SATB2: variants seen among roughly 807,000 people sequenced by gnomAD.
SATB2 encodes the protein SATB homeobox 2.
In SATB2, 1 loss-of-function variant was observed where a neutral mutation model predicts 73.4. That is an observed-to-expected ratio of 0.01 (90% CI 0.00 to 0.06). The LOEUF is 0.06. SATB2 is among the 10% of genes least tolerant of loss of function. The pLI is 1.00. For synonymous variants in SATB2, 397 were observed against 367.0 expected (o/e 1.08, Z -0.93); for missense variants, 459 against 945.8 (o/e 0.49, Z 6.75).
Position 199,318,547 on chromosome 2 carries a change from C to CA in SATB2, c.1542+5255dup, listed in dbSNP as rs560664277. 1.6e-4 allele frequency among the ~76,000 whole-genome samples: 25 copies of CA among 152,084 alleles called. No individual in the cohort carries two copies. In the South Asian group the frequency reaches 5.0e-3, roughly 30 times the overall value. ...ATAAACATACACATATACTCCCATG[C>CA]AAACATATACACATTGAAAGAAAAG... On this transcript the variant is annotated intron_variant, in intron 9 of 10. Transcript: ENST00000417098.
At chr2:199,429,782 C>T (rs1457359218) in intron 3 of SATB2, among the ~76,000 whole-genome samples, 2 of 152,208 alleles carry the variant, frequency 1.3e-5, no homozygotes, top group African/African-American at 2.4e-5. Flanking sequence ...TGGTGGCAGG[C>T]GCCTGTAATC....
intron 9 of SATB2, among the ~76,000 whole-genome samples, chr2:199,312,104 T>C (rs1018477650): frequency 2.0e-5 from 3 of 152,124 alleles, no homozygotes; most frequent in South Asian, 2.1e-4. Flanking sequence ...CTCTATTGAA[T>C]AGCACTGTTT....
At chr2:199,338,927 A>G (rs1035100405) in intron 7 of SATB2, among the ~76,000 whole-genome samples, 1 of 151,422 alleles carries the variant, frequency 6.6e-6, no homozygotes, top group African/African-American at 2.4e-5. Flanking sequence ...TAAAAAAAAA[A>G]AAAAAAAAAG....
At chr2:199,388,496 A>G (rs1690025870) in intron 3 of SATB2, among the ~76,000 whole-genome samples, 1 of 152,190 alleles carries the variant, frequency 6.6e-6, no homozygotes, top group South Asian at 2.1e-4. Flanking sequence ...TGCTGATAAA[A>G]TAGATATATA....
In SATB2 at chr2:199,455,540, C is replaced by T. The variant is rs576228204; in HGVS notation, c.169+329G>A. 2.6e-5 allele frequency among the ~76,000 whole-genome samples: 4 copies of T among 152,294 alleles called. No homozygotes were observed. The South Asian group carries it at 8.3e-4, about 32-fold the overall frequency. On this transcript the variant is annotated intron_variant, in intron 2 of 10. Transcript: ENST00000417098. This position sits in a 1 kb window ranked among gnomAD's most constrained non-coding sequence, Gnocchi z 4.1. ...AACTTCATCCCTACAACAGACACTC[C>T]GAGGCAAGGCAAAAGAGTTAAATCA...
intron 3 of SATB2, among the ~76,000 whole-genome samples, chr2:199,411,393 A>G (rs564576190): frequency 9.9e-5 from 15 of 152,278 alleles, no homozygotes; most frequent in Admixed American, 2.0e-4. Flanking sequence ...AAAGAGGGAG[A>G]GAGTATTACC....
intron 3 of SATB2, among the ~76,000 whole-genome samples, chr2:199,384,409 A>G (rs189993700): frequency 6.6e-6 from 1 of 152,334 alleles, no homozygotes; most frequent in East Asian, 1.9e-4. Flanking sequence ...ATCTGCTAGG[A>G]GAGCTATGGC....
chr2:199,278,535 A>G (rs1317740421), intron 10 of SATB2, among the ~76,000 whole-genome samples: 1 of 152,224 alleles, frequency 6.6e-6, no homozygotes, highest in Admixed American at 6.5e-5. Context: ...ACACGGCCAG[A>G]GCATGGAGTG....
At chr2:199,401,769 C>T (rs1425061391) in intron 3 of SATB2, among the ~76,000 whole-genome samples, 2 of 152,042 alleles carry the variant, frequency 1.3e-5, no homozygotes, top group Non-Finnish European at 2.9e-5. Flanking sequence ...TGGCAGTAAG[C>T]TTGGAGAGTA....
At chr2:199,370,975 A>G (rs946162258) in intron 5 of SATB2, among the ~76,000 whole-genome samples, 2 of 151,768 alleles carry the variant, frequency 1.3e-5, no homozygotes, top group African/African-American at 4.8e-5. Flanking sequence ...AAAGTAGCAA[A>G]CAAATTTCCT....
chr2:199,462,694 G>A (rs1692503735), upstream of SATB2, among the ~76,000 whole-genome samples: 1 of 152,170 alleles, frequency 6.6e-6, no homozygotes. This position sits in a 1 kb window ranked among gnomAD's most constrained non-coding sequence, Gnocchi z 5.9. Flanking sequence ...GGAAGCCGTC[G>A]GCCGCCGGAG....
chr2:199,387,031 A>G (rs990450569), intron 3 of SATB2, among the ~76,000 whole-genome samples: 1 of 152,226 alleles, frequency 6.6e-6, no homozygotes, highest in African/African-American at 2.4e-5. Flanking sequence ...ACTTATTCAC[A>G]ATATCCCTTT....
intron 10 of SATB2, among the ~76,000 whole-genome samples, chr2:199,284,656 T>C (rs1266215125): frequency 6.6e-6 from 1 of 152,116 alleles, no homozygotes; most frequent in Non-Finnish European, 1.5e-5. Flanking sequence ...CATTCTATTA[T>C]TTTTCTGTTT....
intron 9 of SATB2, among the ~76,000 whole-genome samples, chr2:199,322,200 A>G (rs1168976635): frequency 6.6e-6 from 1 of 152,220 alleles, no homozygotes; most frequent in Non-Finnish European, 1.5e-5. Flanking sequence ...CTTATAAAAG[A>G]AGGACTGTGT....
chr2:199,355,509 T>C (rs1335477537), intron 6 of SATB2, among the ~76,000 whole-genome samples: 3 of 151,826 alleles, frequency 2.0e-5, no homozygotes, highest in African/African-American at 7.3e-5. Context: ...TTTCTGAAGG[T>C]TTTTGAGCAA....
At chr2:199,458,229 C>A (rs981417811), upstream of SATB2, 1 of 101,918 alleles carries the variant, frequency 9.8e-6, no homozygotes, top group Admixed American at 2.7e-4. Context: ...GGGGAGGTTG[C>A]GGGGGGAGGG....
Position 199,455,780 on chromosome 2 carries a change from C to G in SATB2, c.169+89G>C, listed in dbSNP as rs200589847. Reference sequence around the variant, plus strand: ...GAATTCACTTCCTGTAATCCTACACCGCGACAGCGCCTAATCAACCTGAAC... The same window carrying G: ...GAATTCACTTCCTGTAATCCTACACGGCGACAGCGCCTAATCAACCTGAAC... On this transcript the variant is annotated intron_variant, in intron 2 of 10. Coordinates refer to ENST00000417098, the MANE Select transcript of SATB2 (RefSeq NM_001172509.2). This position sits in a 1 kb window ranked among gnomAD's most constrained non-coding sequence, Gnocchi z 4.1. 1.4e-6 allele frequency: 2 copies of G among 1,429,822 alleles called. No individual in the cohort carries two copies. Among genetic ancestry groups the G allele is most frequent in the East Asian group, 2.5e-5 (1 of 40,236 alleles). The allele number at this position is 1,429,822 out of a possible 1,614,324, so 88.6% of individuals were successfully genotyped here. A position where few individuals can be genotyped will look rare whatever the true frequency, so the allele number is the denominator to read the frequency against.
intron 6 of SATB2, among the ~76,000 whole-genome samples, chr2:199,359,084 A>G (rs943029385): frequency 1.3e-5 from 2 of 152,176 alleles, no homozygotes; most frequent in African/African-American, 4.8e-5. Flanking sequence ...ATATTGTTGA[A>G]ACTTAACATT....
At chr2:199,285,585 A>T (rs548031106) in intron 10 of SATB2, among the ~76,000 whole-genome samples, 11 of 148,716 alleles carry the variant, frequency 7.4e-5, no homozygotes, top group Admixed American at 4.7e-4. Flanking sequence ...ATCTGTTATT[A>T]AAAAAAAAAG....
Sources: gnomAD v4.1 joint callset for allele counts (sites outside exome capture counted in the v4.1 genomes callset) on GRCh38, gnomAD v4.1.1 for gene constraint, Gnocchi (gnomAD v3.1) non-coding constraint, MANE v1.5 for transcripts, NCBI Gene and HGNC (gene_info 2026-07-23, HGNC 2026-07-21) for gene names.